The following PIEZO2 variants were observed in gnomAD, a reference collection of about 807,000 sequenced individuals.
PIEZO2 encodes piezo type mechanosensitive ion channel component 2.
A neutral mutation model predicts 337.3 loss-of-function variants in PIEZO2; 172 were observed. The ratio of observed to expected loss-of-function variants is 0.51; its 90% CI spans 0.45 to 0.58. PIEZO2 has a LOEUF of 0.58. Among genes scored for constraint, PIEZO2 ranks in the 20% least tolerant of loss-of-function variants. The pLI is 0.00. For missense variants in PIEZO2, 3,028 were observed against 3,391.3 expected, an observed-to-expected ratio of 0.89 and a Z score of 2.66; for synonymous variants, 1,251 against 1,228.5, an observed-to-expected ratio of 1.02 and a Z score of -0.38.
At position 10,830,513 on chromosome 18, in the gene PIEZO2, T is replaced by C. The variant is rs760219411; in HGVS notation, c.918-23239A>G. 6.6e-6 allele frequency among the ~76,000 whole-genome samples: 1 copy of C among 151,748 alleles called. No homozygotes were observed. On this transcript the variant is annotated intron_variant, in intron 7 of 55. Coordinates refer to ENST00000674853, the MANE Select transcript of PIEZO2 (RefSeq NM_001378183.1). The surrounding 1 kb of genome is among the most constrained non-coding windows in gnomAD (Gnocchi z 4.7). ...AAAACTAGACCTCTATTTCTCTCCA[T>C]TTACAAACATCAAATCAAAATGGAT...
rs996463255 is a variant in PIEZO2 at position 10,964,170 on chromosome 18, A to C, written c.286+15365T>G. On this transcript the variant is annotated intron_variant, in intron 3 of 55. Transcript: ENST00000674853. ...ACCAAATAATTTCCACATTAATTAA[A>C]GTGATTAATTAATTAAAGTGATTAA... Among the ~76,000 whole-genome samples the C allele has an allele frequency of 7.2e-5, 11 of 152,354 alleles. No homozygotes were observed. The South Asian group carries it at 1.0e-3, about 14-fold the overall frequency.
chr18:10,763,425 CT>C (rs2038223704), intron 21 of PIEZO2: 1 of 253,796 alleles, frequency 3.9e-6, no homozygotes, highest in African/African-American at 2.2e-5. Flanking sequence ...TCAGGAAGCA[CT>C]TTCAAGAAGA....
At position 10,871,415 on chromosome 18, in the gene PIEZO2, G is replaced by A. The variant is rs1335203220; in HGVS notation, c.330C>T (p.Ser110=). 1 of 1,530,846 alleles carries A rather than the reference G, an allele frequency of 6.5e-7. No individual in the cohort carries two copies. Among genetic ancestry groups the A allele is most frequent in the Non-Finnish European group, 8.7e-7 (1 of 1,143,926 alleles). The allele number at this position is 1,530,846 out of a possible 1,614,324, so 94.8% of individuals were successfully genotyped here. The change falls in exon 5 of 56, where the codon AGC becomes AGT. Residue 110 remains serine, a splice_region_variant and synonymous_variant. Transcript: ENST00000674853. ...EKTFRQIGFE[S]LKGADAGNGI... is the part of the protein sequence containing the mutation. ...CATTGCCAGCATCAGCTCCCTTTAA[G>A]CTATAAAGGAAAAACAAGGGGAGGG... is the stretch of plus-strand genomic sequence containing the variant.
chr18:10,685,859 C>T (rs146855060), intron 49 of PIEZO2, among the ~76,000 whole-genome samples: 7 of 152,314 alleles, frequency 4.6e-5, no homozygotes, highest in African/African-American at 1.2e-4. Flanking sequence ...TTATGGAGAA[C>T]GCAGGCTGCG....
At chr18:10,879,677 G>C (rs985301100) in intron 4 of PIEZO2, among the ~76,000 whole-genome samples, 6 of 152,124 alleles carry the variant, frequency 3.9e-5, no homozygotes, top group African/African-American at 1.4e-4. Context: ...TTACAGGCGT[G>C]AGCCACCGTG....
At chr18:10,674,890 G>C (rs1024242714) in intron 54 of PIEZO2, among the ~76,000 whole-genome samples, 1 of 152,204 alleles carries the variant, frequency 6.6e-6, no homozygotes, top group Non-Finnish European at 1.5e-5. Context: ...AGCAATGTAT[G>C]AGGCAGTTTC....
intron 32 of PIEZO2, among the ~76,000 whole-genome samples, chr18:10,742,079 C>T (rs554902678): frequency 1.8e-4 from 27 of 152,192 alleles, no homozygotes; most frequent in African/African-American, 6.0e-4. Context: ...GGCGTGAACC[C>T]GGGAGGCGGA....
chr18:10,806,869 T>C lies in PIEZO2; in HGVS notation c.1080+243A>G, dbSNP rs6505599. Among the ~76,000 whole-genome samples the C allele has an allele frequency of 0.78, 118,515 of 152,148 alleles. 46,184 individuals carry two copies. Among genetic ancestry groups the C allele is most frequent in the East Asian group, 0.93 (4,818 of 5,186 alleles). On this transcript the variant is annotated intron_variant, in intron 8 of 55. Transcript: ENST00000674853. ...AAGTGATCAGCAAAAATGAGTCTTC[T>C]GTTCTTCTCACTGCCTGCCATTCTT...
At chr18:10,776,901 T>G (rs1236838374) in intron 18 of PIEZO2, among the ~76,000 whole-genome samples, 1 of 152,184 alleles carries the variant, frequency 6.6e-6, no homozygotes, top group East Asian at 1.9e-4. Context: ...TCCTGGAAAC[T>G]TCAGGCTAAA....
chr18:10,771,791 C>T (rs1033047095), intron 20 of PIEZO2, among the ~76,000 whole-genome samples: 10 of 152,162 alleles, frequency 6.6e-5, no homozygotes, highest in South Asian at 6.2e-4. Flanking sequence ...CATGCTGTCC[C>T]GCTCTGTCCT....
In PIEZO2 at chr18:11,098,450, TA is replaced by T. The variant is rs574589273; in HGVS notation, c.65-32229del. ...AAGTTTTCCAAAATTAAAAAATGTA[TA>T]AAACAAAAAGAAAGTTCTCCCACAC... On this transcript the variant is annotated intron_variant, in intron 1 of 55. Coordinates refer to ENST00000674853, the MANE Select transcript of PIEZO2 (RefSeq NM_001378183.1). Among the ~76,000 whole-genome samples, 3 of 151,470 alleles carry T rather than the reference TA, an allele frequency of 2.0e-5. No individual in the cohort carries two copies. In the South Asian group the frequency reaches 6.3e-4, roughly 32 times the overall value.
intron 49 of PIEZO2, 76 bp downstream of exon 49, chr18:10,689,579 A>C (rs1380472877): frequency 1.9e-6 from 3 of 1,582,332 alleles, no homozygotes; most frequent in Non-Finnish European, 2.6e-6. Flanking sequence ...TGTGAGCAGA[A>C]GTTCACATTC....
At chr18:10,683,911 G>A (rs897498209) in intron 49 of PIEZO2, among the ~76,000 whole-genome samples, 5 of 152,070 alleles carry the variant, frequency 3.3e-5, no homozygotes, top group African/African-American at 1.2e-4. Context: ...AATTCCCAGA[G>A]GCTTCTCCCT....
Position 10,898,583 on chromosome 18 carries a change from C to T in PIEZO2, c.329+12603G>A, listed in dbSNP as rs264171. 1.2e-3 allele frequency among the ~76,000 whole-genome samples: 180 copies of T among 152,186 alleles called. 1 individual carries two copies. The highest frequency in any genetic ancestry group is 4.0e-3 in the African/African-American group (167 of 41,508). ...TAGGTTGGGGAGTTAAAAATTAATT[C>T]AGTAGATAGGTGAAAAATTGGATTA... On this transcript the variant is annotated intron_variant, in intron 4 of 55. Transcript: ENST00000674853.
chr18:10,868,001 C>T (rs1284964347), intron 5 of PIEZO2, among the ~76,000 whole-genome samples: 2 of 152,206 alleles, frequency 1.3e-5, no homozygotes, highest in African/African-American at 4.8e-5. Context: ...GGCACAGGCT[C>T]CCACTGCACT....
intron 7 of PIEZO2, among the ~76,000 whole-genome samples, chr18:10,817,197 C>T (rs985946354): frequency 6.6e-6 from 1 of 152,176 alleles, no homozygotes; most frequent in Non-Finnish European, 1.5e-5. Flanking sequence ...CTATTTAAAT[C>T]TCATCCCAGC....
At chr18:10,967,058 C>CCCAGGCT (rs1447553527) in intron 3 of PIEZO2, among the ~76,000 whole-genome samples, 1 of 142,852 alleles carries the variant, frequency 7.0e-6, no homozygotes, top group African/African-American at 2.6e-5. Flanking sequence ...CACTGTGTCA[C>CCCAGGCT]CCAGGCTCAA....
chr18:10,693,741 A>G (rs923903914), intron 47 of PIEZO2, among the ~76,000 whole-genome samples: 6 of 151,658 alleles, frequency 4.0e-5, no homozygotes, highest in Non-Finnish European at 7.4e-5. Flanking sequence ...CACTGGCTGA[A>G]TGACTTTGGG....
In PIEZO2 at chr18:10,766,907, A is replaced by T. The variant is rs532251227; in HGVS notation, c.2946+3241T>A. Among the ~76,000 whole-genome samples the T allele has an allele frequency of 9.9e-5, 15 of 152,210 alleles. No individual in the cohort carries two copies. The South Asian group carries it at 3.1e-3, about 32-fold the overall frequency. ...ATGAATGCTTAGTGAGAGTGAAAAT[A>T]ATAACAATGATGAGACAGACAAGAA... On this transcript the variant is annotated intron_variant, in intron 21 of 55. Transcript: ENST00000674853. The surrounding 1 kb of genome is among the most constrained non-coding windows in gnomAD (Gnocchi z 6.1).
Sources: allele counts gnomAD v4.1 joint callset (sites outside exome capture counted in the v4.1 genomes callset), GRCh38; gene constraint gnomAD v4.1.1; non-coding constraint Gnocchi (gnomAD v3.1); transcripts MANE v1.5; gene names NCBI Gene and HGNC (gene_info 2026-07-23, HGNC 2026-07-21).